ESRRG: variants seen among roughly 807,000 people sequenced by gnomAD.
ESRRG encodes the protein estrogen related receptor gamma, also known as estrogen-related receptor gamma.
In ESRRG, 13 loss-of-function variants were observed where a neutral mutation model predicts 44.0. That is an observed-to-expected ratio of 0.30 (90% CI 0.19 to 0.47). The LOEUF (loss-of-function observed/expected upper bound fraction) is 0.47. Among genes scored for constraint, ESRRG ranks in the 20% least tolerant of loss-of-function variants. The probability of loss-of-function intolerance (pLI) is 1.00; values close to 1 mark genes in which losing one functional copy is unlikely to be tolerated. For missense variants in ESRRG, 395 were observed against 580.6 expected, an observed-to-expected ratio of 0.68 and a Z score of 3.29; for synonymous variants, 215 against 214.6, an observed-to-expected ratio of 1.00 and a Z score of -0.02.
chr1:217,061,679 G>A (rs1185704610), intron 1 of ESRRG, among the ~76,000 whole-genome samples: 1 of 152,026 alleles, frequency 6.6e-6, no homozygotes, highest in Non-Finnish European at 1.5e-5. Flanking sequence ...CAAGGCCAGG[G>A]GAGAACTAGA....
chr1:216,829,013 CACTAGG>C (rs2095442557), intron 2 of ESRRG, among the ~76,000 whole-genome samples: 1 of 152,254 alleles, frequency 6.6e-6, no homozygotes, highest in African/African-American at 2.4e-5. Flanking sequence ...ATATGAAAAA[CACTAGG>C]ATACAAGGAC....
At chr1:216,536,774 G>A (rs1051910755) in intron 5 of ESRRG, among the ~76,000 whole-genome samples, 4 of 152,028 alleles carry the variant, frequency 2.6e-5, no homozygotes, top group African/African-American at 9.7e-5. Flanking sequence ...CATTTATCAT[G>A]AGCTGGGCAT....
At chr1:216,599,875 G>A (rs2058966352) in intron 3 of ESRRG, among the ~76,000 whole-genome samples, 3 of 151,340 alleles carry the variant, frequency 2.0e-5, no homozygotes, top group African/African-American at 4.8e-5. Flanking sequence ...TTTTTAACAC[G>A]GAAATCCCTT....
At chr1:216,879,484 CAAAAAAAA>C (rs755104959) in intron 2 of ESRRG, among the ~76,000 whole-genome samples, 7 of 89,442 alleles carry the variant, frequency 7.8e-5, no homozygotes, top group Admixed American at 6.3e-4. Flanking sequence ...AAAAGGCCAC[CAAAAAAAA>C]AAAAAAAAAA....
chr1:216,698,466 C>T (rs901054687), intron 1 of ESRRG, among the ~76,000 whole-genome samples: 1 of 147,458 alleles, frequency 6.8e-6, no homozygotes, highest in African/African-American at 2.5e-5. Flanking sequence ...TTGCAGTGAG[C>T]CGAGATCACG....
chr1:216,740,067 C>T (rs2090473250), intron 2 of ESRRG, among the ~76,000 whole-genome samples: 1 of 152,174 alleles, frequency 6.6e-6, no homozygotes, highest in Non-Finnish European at 1.5e-5. Flanking sequence ...CACTGACTTG[C>T]TATTATTCTA....
At chr1:216,706,409 T>C (rs2082453375) in intron 1 of ESRRG, among the ~76,000 whole-genome samples, 1 of 152,160 alleles carries the variant, frequency 6.6e-6, no homozygotes, top group African/African-American at 2.4e-5. Context: ...ATAAAAACCA[T>C]ATGTTTACAG....
chr1:216,788,437 C>G lies in ESRRG; in HGVS notation c.-13-110946G>C, dbSNP rs61817867. On this transcript the variant is annotated intron_variant, in intron 2 of 7. Transcript: ENST00000359162. ...CAACAAAGCCTGGATGATAGCACATCTGCCTACAGCATGATTTACTGAGTA... is the reference window on the plus strand; with the variant it reads ...CAACAAAGCCTGGATGATAGCACATGTGCCTACAGCATGATTTACTGAGTA... Among the ~76,000 whole-genome samples, 1,173 of 152,256 alleles carry G rather than the reference C, an allele frequency of 7.7e-3. 6 individuals carry two copies. Among genetic ancestry groups the G allele is most frequent in the Non-Finnish European group, 0.011 (765 of 68,004 alleles).
intron 1 of ESRRG, among the ~76,000 whole-genome samples, chr1:217,043,688 C>G (rs1157217354): frequency 6.6e-6 from 1 of 151,874 alleles, no homozygotes; most frequent in African/African-American, 2.4e-5. Context: ...CTCTTAAAAA[C>G]ATATATAAAC....
intron 2 of ESRRG, among the ~76,000 whole-genome samples, chr1:216,826,059 A>G (rs560179763): frequency 3.3e-5 from 5 of 152,262 alleles, no homozygotes; most frequent in African/African-American, 1.2e-4. Context: ...CTAGAGGAGC[A>G]GCAAAGTTTA....
intron 2 of ESRRG, among the ~76,000 whole-genome samples, chr1:216,809,338 A>C (rs2094898522): frequency 2.0e-5 from 3 of 151,800 alleles, no homozygotes; most frequent in African/African-American, 4.8e-5. Flanking sequence ...AAAAAAAAAA[A>C]AAAAAAAAAC....
chr1:216,850,658 A>G (rs1414113250), intron 2 of ESRRG, among the ~76,000 whole-genome samples: 3 of 152,144 alleles, frequency 2.0e-5, no homozygotes, highest in Non-Finnish European at 4.4e-5. Flanking sequence ...ATGCAAAATT[A>G]AAGGTAGCAG....
chr1:216,905,862 T>C (rs2059623019), intron 2 of ESRRG, among the ~76,000 whole-genome samples: 1 of 152,196 alleles, frequency 6.6e-6, no homozygotes, highest in Non-Finnish European at 1.5e-5. Flanking sequence ...GTGATTGTCT[T>C]GCCTCAGCCT....
chr1:216,568,167 T>A (rs763359841), intron 3 of ESRRG, 69 bp from the exon 4 acceptor site: 27 of 1,057,866 alleles, frequency 2.6e-5, no homozygotes, highest in Non-Finnish European at 3.7e-5. Context: ...AATACCTAGA[T>A]GGTATCCCCC....
intron 5 of ESRRG, among the ~76,000 whole-genome samples, chr1:216,533,192 A>T (rs1237855814): frequency 6.6e-6 from 1 of 152,154 alleles, no homozygotes; most frequent in East Asian, 1.9e-4. Flanking sequence ...TTATTATTTA[A>T]ATGTAGCAAA....
chr1:217,108,971 T>G (rs542237627), intron 1 of ESRRG, among the ~76,000 whole-genome samples: 1 of 152,280 alleles, frequency 6.6e-6, no homozygotes, highest in Non-Finnish European at 1.5e-5. Flanking sequence ...ACTGTTACAT[T>G]AAATGGATCT....
At chr1:216,846,203 C>T (rs1265233906) in intron 2 of ESRRG, among the ~76,000 whole-genome samples, 4 of 152,116 alleles carry the variant, frequency 2.6e-5, no homozygotes, top group Non-Finnish European at 4.4e-5. Context: ...AGTTTTCCCC[C>T]ACTTATTATA....
At chr1:216,794,430 T>C (rs1038477556) in intron 2 of ESRRG, among the ~76,000 whole-genome samples, 1 of 152,152 alleles carries the variant, frequency 6.6e-6, no homozygotes, top group African/African-American at 2.4e-5. Context: ...AGATACTTCA[T>C]AGTATATCCA....
chr1:216,939,665 T>C (rs1298804051), exon 2 of ESRRG: 1 of 151,130 alleles, frequency 6.6e-6, no homozygotes, highest in African/African-American at 2.4e-5. Flanking sequence ...AACCAGTAAA[T>C]TGTCAGCTCT....
Sources: allele counts gnomAD v4.1 joint callset (sites outside exome capture counted in the v4.1 genomes callset), GRCh38; gene constraint gnomAD v4.1.1; transcripts MANE v1.5; gene names NCBI Gene and HGNC (gene_info 2026-07-23, HGNC 2026-07-21).